The following MITF variants were observed in gnomAD, a reference collection of about 807,000 sequenced individuals.
MITF encodes melanocyte inducing transcription factor, also known as microphthalmia-associated transcription factor.
A neutral mutation model predicts 60.5 loss-of-function variants in MITF; 17 were observed. The observed-to-expected ratio is 0.28, with a 90% CI of 0.19 to 0.42. The LOEUF is 0.42. Ranked by LOEUF, MITF falls within the 10% of genes least tolerant of loss-of-function variation. MITF has a pLI of 1.00. For synonymous variants in MITF, 260 were observed against 248.5 expected (o/e 1.05, Z -0.43); for missense variants, 622 against 683.5 (o/e 0.91, Z 1.00).
intron 1 of MITF, among the ~76,000 whole-genome samples, chr3:69,853,676 G>A (rs755387652): frequency 1.3e-5 from 2 of 151,908 alleles, no homozygotes; most frequent in Non-Finnish European, 2.9e-5. Context: ...TAGAATCGTT[G>A]ACTACATCAC....
intron 1 of MITF, among the ~76,000 whole-genome samples, chr3:69,854,125 GGCGTGA>G (rs1194299281): frequency 6.6e-6 from 1 of 152,140 alleles, no homozygotes; most frequent in Admixed American, 6.5e-5. Flanking sequence ...TGGGATTACA[GGCGTGA>G]GCCACCGAGC....
At chr3:69,771,560 T>C (rs1291849202) in intron 1 of MITF, among the ~76,000 whole-genome samples, 1 of 152,236 alleles carries the variant, frequency 6.6e-6, no homozygotes, top group Non-Finnish European at 1.5e-5. Context: ...GCTTCAGCCA[T>C]CATAGATTTA....
intron 7 of MITF, among the ~76,000 whole-genome samples, chr3:69,953,479 C>A (rs546376782): frequency 6.6e-6 from 1 of 151,920 alleles, no homozygotes; most frequent in African/African-American, 2.4e-5. Flanking sequence ...TCAAGCTGTT[C>A]CTCTTCTAGG....
At chr3:69,927,965 A>G (rs2065631930) in intron 2 of MITF, among the ~76,000 whole-genome samples, 1 of 152,256 alleles carries the variant, frequency 6.6e-6, no homozygotes, top group African/African-American at 2.4e-5. Context: ...CTTTATCTAT[A>G]AAAAACAGAG....
chr3:69,856,886 C>T (rs1292082404), intron 1 of MITF, among the ~76,000 whole-genome samples: 1 of 151,810 alleles, frequency 6.6e-6, no homozygotes, highest in Non-Finnish European at 1.5e-5. Context: ...TGAATTCATG[C>T]TTGGTATAAT....
At chr3:69,917,377 T>TTA in intron 2 of MITF, among the ~76,000 whole-genome samples, 2 of 43,496 alleles carry the variant, frequency 4.6e-5, no homozygotes, top group Non-Finnish European at 8.9e-5. Flanking sequence ...AGTTGCCTCC[T>TTA]TTTTTTTTTT....
chr3:69,904,846 G>A (rs1327851276), intron 2 of MITF, among the ~76,000 whole-genome samples: 1 of 152,194 alleles, frequency 6.6e-6, no homozygotes, highest in South Asian at 2.1e-4. Flanking sequence ...TTGTAAAATG[G>A]GAATAAAGAG....
chr3:69,806,323 G>A (rs893270145), intron 1 of MITF, among the ~76,000 whole-genome samples: 5 of 151,942 alleles, frequency 3.3e-5, no homozygotes, highest in African/African-American at 1.2e-4. Flanking sequence ...CTGACCTCAA[G>A]TGATCACCTG....
rs112662622 is a variant in MITF at position 69,869,536 on chromosome 3, C to T, written c.105-9598C>T. ...AGCTGGGACATGAGCCCACATACATCTCTCATTCTTAAGCCAGGACACTTT... is the reference window on the plus strand; with the variant it reads ...AGCTGGGACATGAGCCCACATACATTTCTCATTCTTAAGCCAGGACACTTT... On this transcript the variant is annotated intron_variant, in intron 1 of 9. Coordinates refer to ENST00000352241, the MANE Select transcript of MITF (RefSeq NM_001354604.2). 7.8e-3 allele frequency among the ~76,000 whole-genome samples: 1,188 copies of T among 152,302 alleles called. 9 individuals carry two copies. Among genetic ancestry groups the T allele is most frequent in the African/African-American group, 0.026 (1,071 of 41,556 alleles).
intron 1 of MITF, 52 bp from the exon 2 acceptor site, chr3:69,879,082 G>A (rs963601748): frequency 6.0e-6 from 9 of 1,507,540 alleles, no homozygotes; most frequent in Non-Finnish European, 7.4e-6. Flanking sequence ...AAGTGCAAAC[G>A]AAGGGTCTCA....
At chr3:69,922,754 T>C (rs1484209083) in intron 2 of MITF, among the ~76,000 whole-genome samples, 1 of 152,192 alleles carries the variant, frequency 6.6e-6, no homozygotes, top group South Asian at 2.1e-4. Context: ...TGAGATGCCT[T>C]TGGTTAACAA....
At chr3:69,858,128 T>C (rs538090040) in intron 1 of MITF, among the ~76,000 whole-genome samples, 338 of 152,232 alleles carry the variant, frequency 2.2e-3, no homozygotes, top group Non-Finnish European at 3.9e-3. Context: ...TAATATTCAT[T>C]GGAATTACAG....
intron 2 of MITF, among the ~76,000 whole-genome samples, chr3:69,906,402 G>A (rs1245937097): frequency 6.6e-6 from 1 of 151,974 alleles, no homozygotes; most frequent in East Asian, 1.9e-4. Flanking sequence ...GTTTTTTGTT[G>A]TTTTTTGTAG....
At chr3:69,754,417 G>A (rs927306040) in intron 1 of MITF, among the ~76,000 whole-genome samples, 3 of 151,952 alleles carry the variant, frequency 2.0e-5, no homozygotes, top group East Asian at 1.9e-4. Context: ...CCCCTTGGCC[G>A]GCCAAAGTAT....
At chr3:69,790,767 A>G (rs2062726839) in intron 1 of MITF, among the ~76,000 whole-genome samples, 1 of 152,194 alleles carries the variant, frequency 6.6e-6, no homozygotes, top group African/African-American at 2.4e-5. Context: ...CCAATCAACA[A>G]ATGGCTGTAG....
At chr3:69,775,888 A>C (rs187604552) in intron 1 of MITF, among the ~76,000 whole-genome samples, 1 of 152,230 alleles carries the variant, frequency 6.6e-6, no homozygotes, top group African/African-American at 2.4e-5. Flanking sequence ...CTAATTGTTC[A>C]TATCAAAAGA....
Position 69,861,411 on chromosome 3 carries a change from A to G in MITF, c.105-17723A>G, listed in dbSNP as rs1352676712. Among the ~76,000 whole-genome samples the G allele has an allele frequency of 4.6e-5, 7 of 152,368 alleles. No homozygotes were observed. The East Asian group carries it at 1.2e-3, about 25-fold the overall frequency. ...AGGATTACAAGTTGAATTAAGTGCT[A>G]TAAAAGAAAGAAGCTTGCTTCAAGA... On this transcript the variant is annotated intron_variant, in intron 1 of 9. Transcript: ENST00000352241.
intron 2 of MITF, among the ~76,000 whole-genome samples, chr3:69,918,931 G>A (rs1370339291): frequency 6.6e-6 from 1 of 152,120 alleles, no homozygotes; most frequent in African/African-American, 2.4e-5. Flanking sequence ...CTATATTAGG[G>A]AAAAAGAATA....
intron 1 of MITF, among the ~76,000 whole-genome samples, chr3:69,792,270 A>G (rs2062752400): frequency 6.6e-6 from 1 of 152,160 alleles, no homozygotes; most frequent in Non-Finnish European, 1.5e-5. Flanking sequence ...GCTTTCTTCA[A>G]TTTTATTTCA....
Sources: gnomAD v4.1 joint callset for allele counts (sites outside exome capture counted in the v4.1 genomes callset) on GRCh38, gnomAD v4.1.1 for gene constraint, MANE v1.5 for transcripts, NCBI Gene and HGNC (gene_info 2026-07-23, HGNC 2026-07-21) for gene names.